The following PLCXD2 variants were observed in gnomAD, a reference collection of about 807,000 sequenced individuals.
The protein encoded by PLCXD2 is PI-PLC X domain-containing protein 2.
In PLCXD2, 21 loss-of-function variants were observed where a neutral mutation model predicts 28.6. The observed-to-expected ratio is 0.73, with a 90% CI of 0.52 to 1.06. PLCXD2 has a LOEUF of 1.06. Among genes scored for constraint, PLCXD2 ranks in the 50% least tolerant of loss-of-function variants. PLCXD2 has a pLI of 0.00. For synonymous variants in PLCXD2, 140 were observed against 150.1 expected (o/e 0.93, Z 0.49); for missense variants, 369 against 376.7 (o/e 0.98, Z 0.17).
At chr3:111,685,293 T>G (rs1940778506) in intron 1 of PLCXD2, among the ~76,000 whole-genome samples, 1 of 152,202 alleles carries the variant, frequency 6.6e-6, no homozygotes, top group Non-Finnish European at 1.5e-5. Context: ...GAAAATTTGT[T>G]GAGTTTCTAT....
At chr3:111,684,662 A>T (rs567319343) in intron 1 of PLCXD2, among the ~76,000 whole-genome samples, 294 of 152,250 alleles carry the variant, frequency 1.9e-3, no homozygotes, top group Non-Finnish European at 3.2e-3. Context: ...TTAAAAAAAA[A>T]AAAAATAAAG....
At chr3:111,697,398 TAAAGC>T (rs532648722) in intron 1 of PLCXD2, among the ~76,000 whole-genome samples, 58 of 152,320 alleles carry the variant, frequency 3.8e-4, no homozygotes, top group African/African-American at 1.3e-3. Flanking sequence ...AATTGGGTGA[TAAAGC>T]ATATTGAGAG....
At chr3:111,694,929 A>G (rs1167635246) in intron 1 of PLCXD2, among the ~76,000 whole-genome samples, 2 of 152,142 alleles carry the variant, frequency 1.3e-5, no homozygotes, top group Non-Finnish European at 2.9e-5. Context: ...GCATATTGAG[A>G]CATATGTTGT....
chr3:111,677,602 T>C (rs557551212), intron 1 of PLCXD2, among the ~76,000 whole-genome samples: 5 of 152,188 alleles, frequency 3.3e-5, no homozygotes, highest in African/African-American at 1.2e-4. Context: ...AGAAAATTAT[T>C]GTTCAAAGAG....
intron 1 of PLCXD2, among the ~76,000 whole-genome samples, chr3:111,706,460 A>G (rs1324584769): frequency 6.6e-6 from 1 of 152,222 alleles, no homozygotes; most frequent in Non-Finnish European, 1.5e-5. Context: ...AATGTCTTGA[A>G]GCATTTCTTC....
At chr3:111,709,430 T>C (rs1227679311) in intron 2 of PLCXD2, among the ~76,000 whole-genome samples, 1 of 150,952 alleles carries the variant, frequency 6.6e-6, no homozygotes, top group African/African-American at 2.5e-5. Context: ...CATATATACA[T>C]ATATGTATAT....
chr3:111,679,896 G>A (rs967537866), intron 1 of PLCXD2, among the ~76,000 whole-genome samples: 2 of 152,062 alleles, frequency 1.3e-5, no homozygotes, highest in Non-Finnish European at 2.9e-5. Flanking sequence ...TTTGCTGCCT[G>A]GCTGCTGCCT....
intron 1 of PLCXD2, among the ~76,000 whole-genome samples, chr3:111,695,874 T>A (rs1167213012): frequency 1.3e-5 from 2 of 152,244 alleles, no homozygotes; most frequent in Non-Finnish European, 1.5e-5. Flanking sequence ...GTTTATTTTT[T>A]AAATTTTCCA....
intron 1 of PLCXD2, among the ~76,000 whole-genome samples, chr3:111,687,992 C>T (rs1225968467): frequency 2.6e-5 from 4 of 151,992 alleles, no homozygotes; most frequent in African/African-American, 9.7e-5. Context: ...ATCTTTTATC[C>T]TCTCTCTCTC....
chr3:111,685,388 G>A (rs1940780006), intron 1 of PLCXD2, among the ~76,000 whole-genome samples: 1 of 152,154 alleles, frequency 6.6e-6, no homozygotes, highest in African/African-American at 2.4e-5. Flanking sequence ...GCTTGGGCAT[G>A]AGTGTAGGAG....
chr3:111,706,776 T>G (rs1941124696), intron 1 of PLCXD2, among the ~76,000 whole-genome samples: 1 of 146,900 alleles, frequency 6.8e-6, no homozygotes, highest in African/African-American at 2.5e-5. Context: ...GTGTGCAAAT[T>G]AGCTATACTT....
chr3:111,677,433 T>C (rs1940640960), intron 1 of PLCXD2: 1 of 152,204 alleles, frequency 6.6e-6, no homozygotes, highest in African/African-American at 2.4e-5. Flanking sequence ...GGGGCCATCA[T>C]CGTCCCCCTA....
chr3:111,688,457 T>C (rs957017692), intron 1 of PLCXD2, among the ~76,000 whole-genome samples: 2 of 152,246 alleles, frequency 1.3e-5, no homozygotes, highest in Non-Finnish European at 2.9e-5. Context: ...TATTGATGTG[T>C]GACAGTACCA....
chr3:111,712,687 A>C (rs1417350132), intron 2 of PLCXD2, among the ~76,000 whole-genome samples: 2 of 152,208 alleles, frequency 1.3e-5, no homozygotes, highest in African/African-American at 2.4e-5. Context: ...TGAGGCTGAC[A>C]TCCAGAGCTC....
rs191706445 is a variant in PLCXD2, at chr3:111,721,978, C to T, written c.866+7850C>T. ...TAACTCCTTGAAAACAAGACTACCT[C>T]GGGGATATTTAGGATGACTCGTGTG... is the stretch of plus-strand genomic sequence containing the variant. On this transcript the variant is annotated intron_variant, in intron 3 of 4. Coordinates refer to ENST00000477665, the MANE Select transcript of PLCXD2 (RefSeq NM_001185106.1). 107 of 152,230 alleles carry T rather than the reference C, an allele frequency of 7.0e-4. 1 individual carries two copies. Among genetic ancestry groups the T allele is most frequent in the Admixed American group, 5.8e-3 (88 of 15,294 alleles). The allele number at this position is 152,230 out of a possible 1,614,324, so 9.4% of individuals were successfully genotyped here.
At chr3:111,698,861 TC>T (rs773745072) in intron 1 of PLCXD2, among the ~76,000 whole-genome samples, 7 of 152,070 alleles carry the variant, frequency 4.6e-5, no homozygotes, top group Non-Finnish European at 1.0e-4. Flanking sequence ...ATTCCTTATT[TC>T]CCCCCCTCCT....
chr3:111,709,740 G>T (rs1941174108), intron 2 of PLCXD2, among the ~76,000 whole-genome samples: 1 of 152,220 alleles, frequency 6.6e-6, no homozygotes, highest in Non-Finnish European at 1.5e-5. Context: ...GGAACATGCA[G>T]TATGGCTGTA....
intron 1 of PLCXD2, among the ~76,000 whole-genome samples, chr3:111,696,015 T>C (rs1313547052): frequency 1.3e-5 from 2 of 152,206 alleles, no homozygotes; most frequent in Non-Finnish European, 2.9e-5. Flanking sequence ...ACTCATGAGG[T>C]TGACATCTCT....
At chr3:111,709,307 A>G (rs1182011756) in intron 2 of PLCXD2, among the ~76,000 whole-genome samples, 1 of 152,226 alleles carries the variant, frequency 6.6e-6, no homozygotes, top group African/African-American at 2.4e-5. Context: ...AGTAAATAAA[A>G]TAGACAAAGA....
Sources: allele counts gnomAD v4.1 joint callset (sites outside exome capture counted in the v4.1 genomes callset), GRCh38; gene constraint gnomAD v4.1.1; transcripts MANE v1.5; gene names NCBI Gene and HGNC (gene_info 2026-07-23, HGNC 2026-07-21).